Variants in PPP2R2D observed in about 807,000 individuals in gnomAD.
PPP2R2D encodes serine/threonine-protein phosphatase 2A 55 kDa regulatory subunit B delta isoform.
A neutral mutation model predicts 31.1 loss-of-function variants in PPP2R2D; 9 were observed. That is an observed-to-expected ratio of 0.29 (90% CI 0.17 to 0.51). PPP2R2D has a LOEUF of 0.51. Among genes scored for constraint, PPP2R2D ranks in the 20% least tolerant of loss-of-function variants. The probability of loss-of-function intolerance (pLI) is 0.98; values close to 1 mark genes in which losing one functional copy is unlikely to be tolerated. For synonymous variants in PPP2R2D, 179 were observed against 172.6 expected (o/e 1.04, Z -0.29); for missense variants, 391 against 465.6 (o/e 0.84, Z 1.48).
At chr10:131,949,666 C>G (rs966270658) in intron 8 of PPP2R2D, among the ~76,000 whole-genome samples, 1 of 152,164 alleles carries the variant, frequency 6.6e-6, no homozygotes, top group Non-Finnish European at 1.5e-5. Context: ...GAACCAGGAG[C>G]CACATGACCG....
chr10:131,902,754 A>G (rs1304532462), intron 2 of PPP2R2D, among the ~76,000 whole-genome samples: 3 of 152,032 alleles, frequency 2.0e-5, no homozygotes, highest in African/African-American at 2.4e-5. Flanking sequence ...TTAACTCTTT[A>G]TTTTGTTTTT....
intron 2 of PPP2R2D, among the ~76,000 whole-genome samples, chr10:131,919,933 T>G (rs2035937427): frequency 6.8e-6 from 1 of 147,008 alleles, no homozygotes; most frequent in African/African-American, 2.5e-5. Flanking sequence ...ACACAGTGTT[T>G]GTAGGGACCT....
chr10:131,967,329 G>A, the PPP2R2D span: 1 of 152,220 alleles, frequency 6.6e-6, no homozygotes, highest in South Asian at 2.1e-4. Flanking sequence ...AAGACAAACA[G>A]CAAACATATT....
chr10:131,942,263 A>G (rs2036455633), intron 5 of PPP2R2D, among the ~76,000 whole-genome samples: 1 of 152,204 alleles, frequency 6.6e-6, no homozygotes, highest in South Asian at 2.1e-4. Context: ...GTAGGCCTTT[A>G]CTAGGCCCAG....
chr10:131,924,641 A>T (rs1371251814), intron 2 of PPP2R2D, among the ~76,000 whole-genome samples: 2 of 151,244 alleles, frequency 1.3e-5, no homozygotes, highest in Admixed American at 1.3e-4. Flanking sequence ...CATTTTGGCT[A>T]TTCTGAGTCC....
At chr10:131,959,918 G>GGCAGAGCAGAAGGT (rs1233016451), downstream of PPP2R2D, 2 of 152,274 alleles carry the variant, frequency 1.3e-5, no homozygotes, top group Non-Finnish European at 2.9e-5. Context: ...CCACCCCCAG[G>GGCAGAGCAGAAGGT]GCAGAGCAGA....
At chr10:131,906,187 A>G (rs1185120848) in intron 2 of PPP2R2D, among the ~76,000 whole-genome samples, 3 of 152,120 alleles carry the variant, frequency 2.0e-5, no homozygotes, top group Non-Finnish European at 2.9e-5. Flanking sequence ...GCTCCTTTAT[A>G]TATTACACTA....
intron 2 of PPP2R2D, among the ~76,000 whole-genome samples, chr10:131,929,650 G>A (rs564016497): frequency 3.3e-5 from 5 of 152,094 alleles, no homozygotes; most frequent in South Asian, 2.1e-4. Context: ...TGCTCTGCCC[G>A]CCACACCTGC....
At chr10:131,968,666 G>T in the PPP2R2D span, 1 of 1,050,710 alleles carries the variant, frequency 9.5e-7, no homozygotes, top group Non-Finnish European at 1.5e-6. Flanking sequence ...TAGAGCTTAT[G>T]CAAGGGGACT....
the PPP2R2D span, chr10:131,968,416 A>G: frequency 1.1e-6 from 1 of 895,868 alleles, no homozygotes; most frequent in Admixed American, 2.0e-5. Flanking sequence ...TACAGAACAA[A>G]TAAACACAAG....
At chr10:131,934,357 T>C (rs782544126) in intron 2 of PPP2R2D, 101 bp from the exon 3 acceptor site, 1 of 662,848 alleles carries the variant, frequency 1.5e-6, no homozygotes, top group Non-Finnish European at 2.8e-6. Flanking sequence ...GAGAAAGTTG[T>C]ATATGTTTAT....
chr10:131,961,971 C>T (rs141249985), downstream of PPP2R2D, among the ~76,000 whole-genome samples: 526 of 152,300 alleles, frequency 3.5e-3, 2 homozygotes, highest in Middle Eastern at 0.01. Context: ...TCAGAACCCG[C>T]GGGGGTTTTG....
At chr10:131,966,461 TTG>T in the PPP2R2D span, 3 of 152,236 alleles carry the variant, frequency 2.0e-5, no homozygotes, top group African/African-American at 4.8e-5. Context: ...CACATCAAAC[TTG>T]TTTCATTTTT....
At chr10:131,927,904 G>T (rs938529852) in intron 2 of PPP2R2D, among the ~76,000 whole-genome samples, 1 of 152,152 alleles carries the variant, frequency 6.6e-6, no homozygotes, top group African/African-American at 2.4e-5. Context: ...GAACATTCTC[G>T]TAAGTGGTTC....
At position 131,919,068 on chromosome 10, in the gene PPP2R2D, C is replaced by T. The variant is rs555408374; in HGVS notation, c.101-15390C>T. On this transcript the variant is annotated intron_variant, in intron 2 of 8. Transcript: ENST00000455566. ...GATGACACAGTGTAGGGACCTCAGG[C>T]GGGTGGAGTGACACAGTGTTTGTAG... Among the ~76,000 whole-genome samples, 46 of 117,780 alleles carry T rather than the reference C, an allele frequency of 3.9e-4. 13 individuals carry two copies. The East Asian group carries it at 0.013, about 33-fold the overall frequency. 77.3% of individuals were successfully genotyped at this position (117,780 alleles called of 152,430 possible).
intron 2 of PPP2R2D, among the ~76,000 whole-genome samples, chr10:131,932,653 A>AAAAAAAAAAAAAAAAAAC: frequency 1.4e-5 from 2 of 146,834 alleles, no homozygotes; most frequent in Non-Finnish European, 3.0e-5. Flanking sequence ...TCTCAAAAAA[A>AAAAAAAAAAAAAAAAAAC]AAAAAAAAAA....
chr10:131,968,119 A>G, the PPP2R2D span: 127 of 157,890 alleles, frequency 8.0e-4, no homozygotes, highest in African/African-American at 2.8e-3. Context: ...CAAACCCCTT[A>G]AAGTAGCGAT....
intron 2 of PPP2R2D, among the ~76,000 whole-genome samples, chr10:131,923,475 A>T (rs2036033645): frequency 6.6e-6 from 1 of 152,068 alleles, no homozygotes; most frequent in South Asian, 2.1e-4. Context: ...CTGGGAATGG[A>T]GCTTGGTCAT....
At chr10:131,948,274 T>A (rs542009777) in intron 8 of PPP2R2D, among the ~76,000 whole-genome samples, 2 of 152,368 alleles carry the variant, frequency 1.3e-5, no homozygotes, top group East Asian at 3.9e-4. Context: ...GTGATGGTTC[T>A]AGTACCTTGA....
Sources: gnomAD v4.1 joint callset for allele counts (sites outside exome capture counted in the v4.1 genomes callset) on GRCh38, gnomAD v4.1.1 for gene constraint, MANE v1.5 for transcripts, NCBI Gene and HGNC (gene_info 2026-07-23, HGNC 2026-07-21) for gene names.